NLGN4X: variants seen among roughly 807,000 people sequenced by gnomAD.
NLGN4X encodes neuroligin 4 X-linked, also known as neuroligin-4, X-linked.
Under a neutral mutation model 40.3 loss-of-function variants are expected in NLGN4X, and 3 were observed. The observed-to-expected ratio is 0.07, with a 90% CI of 0.03 to 0.19. NLGN4X has a LOEUF of 0.19. Among genes scored for constraint, NLGN4X ranks in the 10% least tolerant of loss-of-function variants. The pLI is 1.00. For missense variants in NLGN4X, 382 were observed against 708.3 expected (o/e 0.54, Z 5.23); for synonymous variants, 270 against 306.8 (o/e 0.88, Z 1.25).
chrX:6,024,281 G>A (rs959018368), intron 3 of NLGN4X, among the ~76,000 whole-genome samples: 7 of 111,745 alleles, frequency 6.3e-5, no homozygotes, highest in Non-Finnish European at 1.3e-4. Context: ...GCCCTGGCAC[G>A]TACAGCTCAG....
intron 2 of NLGN4X, among the ~76,000 whole-genome samples, chrX:6,130,616 A>G (rs1478888504): frequency 2.7e-5 from 3 of 112,690 alleles, no homozygotes; most frequent in African/African-American, 9.6e-5. Flanking sequence ...AATCATCTCT[A>G]TTTTCGAGCA....
chrX:5,983,035 A>AT lies in NLGN4X; in HGVS notation c.625+46244_625+46245insA, dbSNP rs1175521371. 4.5e-5 allele frequency among the ~76,000 whole-genome samples: 5 copies of AT among 112,315 alleles called. No individual in the cohort carries two copies. In the East Asian group the frequency reaches 1.4e-3, roughly 31 times the overall value. On this transcript the variant is annotated intron_variant, in intron 3 of 5. Coordinates refer to ENST00000381095, the MANE Select transcript of NLGN4X (RefSeq NM_181332.3). ...CACCATGTAATGGGGCAACTCTCAG[A>AT]CCCTAGTCACGCCTGAAGGTCCCAA...
chrX:6,126,397 G>A (rs1041423953), intron 2 of NLGN4X, among the ~76,000 whole-genome samples: 1 of 111,260 alleles, frequency 9.0e-6, no homozygotes, highest in African/African-American at 3.3e-5. Flanking sequence ...GTATTGAAAG[G>A]AAAGAGAGAA....
chrX:6,201,790 G>A (rs1159920075), intron 1 of NLGN4X, among the ~76,000 whole-genome samples: 1 of 111,080 alleles, frequency 9.0e-6, no homozygotes, highest in Non-Finnish European at 1.9e-5. Context: ...TTTGGCCAGA[G>A]CATATAGGCA....
At chrX:6,120,238 C>T (rs982213747) in intron 2 of NLGN4X, among the ~76,000 whole-genome samples, 2 of 111,517 alleles carry the variant, frequency 1.8e-5, no homozygotes, top group African/African-American at 6.5e-5. Context: ...TGAAGAGGGA[C>T]ATCATAAAAA....
intron 1 of NLGN4X, among the ~76,000 whole-genome samples, chrX:6,157,853 A>G (rs1250553209): frequency 1.8e-5 from 2 of 111,370 alleles, no homozygotes; most frequent in African/African-American, 6.5e-5. Flanking sequence ...CCTTCAGACC[A>G]CAGAAGTATC....
intron 1 of NLGN4X, among the ~76,000 whole-genome samples, chrX:6,160,882 GAGAGAAT>G (rs1467815167): frequency 8.1e-5 from 6 of 73,911 alleles, no homozygotes; most frequent in Non-Finnish European, 1.7e-4. Flanking sequence ...TATATATAGA[GAGAGAAT>G]AATATAAAAT....
chrX:6,210,236 G>A lies in NLGN4X; in HGVS notation c.-306+18305C>T, dbSNP rs778491649. ...GTTGATTCTTTGTGCGTGCGTGTGCGCCCGTTTGTGTGTGTGTGTGTGTGT... is the reference window on the plus strand; with the variant it reads ...GTTGATTCTTTGTGCGTGCGTGTGCACCCGTTTGTGTGTGTGTGTGTGTGT... On this transcript the variant is annotated intron_variant, in intron 1 of 5. Transcript: ENST00000381095. Among the ~76,000 whole-genome samples, 408 of 88,613 alleles carry A rather than the reference G, an allele frequency of 4.6e-3. 3 individuals carry two copies. Among genetic ancestry groups the A allele is most frequent in the African/African-American group, 0.02 (383 of 19,478 alleles). The allele number at this position is 88,613 out of a possible 115,157, so 76.9% of individuals were successfully genotyped here. A position where few individuals can be genotyped will look rare whatever the true frequency, so the allele number is the denominator to read the frequency against.
At chrX:5,929,192 G>A (rs62583817) in intron 3 of NLGN4X, among the ~76,000 whole-genome samples, 73 of 111,803 alleles carry the variant, frequency 6.5e-4, no homozygotes, top group Non-Finnish European at 8.7e-4. Flanking sequence ...GCTTGGCGTG[G>A]TGGCTCACCT....
At chrX:6,014,231 C>T (rs2036331985) in intron 3 of NLGN4X, among the ~76,000 whole-genome samples, 2 of 110,814 alleles carry the variant, frequency 1.8e-5, no homozygotes, top group South Asian at 7.8e-4. Flanking sequence ...GAACTTAACC[C>T]GGTTCATCTG....
chrX:6,054,118 G>A (rs1309852401), intron 2 of NLGN4X, among the ~76,000 whole-genome samples: 1 of 112,165 alleles, frequency 8.9e-6, no homozygotes, highest in Non-Finnish European at 1.9e-5. Context: ...AGTCAAGAAG[G>A]TGTTTAATAC....
At chrX:6,071,324 G>T (rs1280325826) in intron 2 of NLGN4X, among the ~76,000 whole-genome samples, 2 of 111,595 alleles carry the variant, frequency 1.8e-5, no homozygotes, top group African/African-American at 6.5e-5. Flanking sequence ...CCATGGTCTT[G>T]TGGATTATTT....
At chrX:6,226,872 C>T (rs1196549020) in intron 1 of NLGN4X, 1 of 121,586 alleles carries the variant, frequency 8.2e-6, no homozygotes, top group African/African-American at 3.2e-5. Flanking sequence ...CTACCTCCCT[C>T]TCCCTACCTC....
intron 3 of NLGN4X, among the ~76,000 whole-genome samples, chrX:5,943,890 T>C (rs1215179864): frequency 8.9e-6 from 1 of 112,388 alleles, no homozygotes; most frequent in Admixed American, 9.4e-5. Flanking sequence ...GAGGAAACTG[T>C]AACTGTGGGT....
intron 1 of NLGN4X, among the ~76,000 whole-genome samples, chrX:6,219,567 TCTTTCTTC>T (rs1329339734): frequency 2.1e-4 from 14 of 66,423 alleles, no homozygotes; most frequent in African/African-American, 8.6e-4. Context: ...TTTCTTTCTT[TCTTTCTTC>T]CTTCCTTCCT....
intron 3 of NLGN4X, among the ~76,000 whole-genome samples, chrX:5,997,712 T>C (rs1194984330): frequency 9.2e-6 from 1 of 108,208 alleles, no homozygotes; most frequent in Non-Finnish European, 1.9e-5. Flanking sequence ...AGTAACTCTT[T>C]TGATCCTCAA....
chrX:5,934,004 T>G (rs1425415410), intron 3 of NLGN4X, among the ~76,000 whole-genome samples: 2 of 111,648 alleles, frequency 1.8e-5, no homozygotes, highest in East Asian at 5.6e-4. Context: ...AACATAATAT[T>G]ATAAGAAGAA....
chrX:6,098,574 G>T (rs988848686), intron 2 of NLGN4X, among the ~76,000 whole-genome samples: 3 of 111,035 alleles, frequency 2.7e-5, no homozygotes, highest in African/African-American at 9.8e-5. Flanking sequence ...GAAGAAAGAA[G>T]TCTACAGGAT....
At chrX:6,156,973 T>C (rs746609315) in intron 1 of NLGN4X, among the ~76,000 whole-genome samples, 9 of 111,760 alleles carry the variant, frequency 8.1e-5, no homozygotes, top group Non-Finnish European at 1.5e-4. Flanking sequence ...TTATCTTTAC[T>C]ATATATTAAG....
Sources: allele counts gnomAD v4.1 joint callset (sites outside exome capture counted in the v4.1 genomes callset), GRCh38; gene constraint gnomAD v4.1.1; transcripts MANE v1.5; gene names NCBI Gene and HGNC (gene_info 2026-07-23, HGNC 2026-07-21).